The following POFUT3 variants were observed in gnomAD, a reference collection of about 807,000 sequenced individuals.
The protein encoded by POFUT3 is GDP-fucose protein O-fucosyltransferase 3.
At chr8:33,430,100 C>T in the POFUT3 span, among the ~76,000 whole-genome samples, 8 of 152,216 alleles carry the variant, frequency 5.3e-5, no homozygotes, top group Non-Finnish European at 2.9e-5. Flanking sequence ...CATTACCAAC[C>T]CCCATTTTAC....
the POFUT3 span, among the ~76,000 whole-genome samples, chr8:33,369,890 A>T: frequency 1.3e-5 from 2 of 152,190 alleles, no homozygotes; most frequent in Non-Finnish European, 2.9e-5. Flanking sequence ...GCCATTCAGC[A>T]TTCAGGTTCC....
chr8:33,398,655 A>C, the POFUT3 span, among the ~76,000 whole-genome samples: 1 of 152,318 alleles, frequency 6.6e-6, no homozygotes, highest in East Asian at 1.9e-4. Context: ...TCTGTACAAC[A>C]ACCCCCTGTG....
the POFUT3 span, among the ~76,000 whole-genome samples, chr8:33,424,273 G>C: frequency 6.6e-6 from 1 of 152,100 alleles, no homozygotes; most frequent in Non-Finnish European, 1.5e-5. Context: ...TTTCAAATAA[G>C]GAAAATACTG....
At chr8:33,380,025 ATACT>A in the POFUT3 span, among the ~76,000 whole-genome samples, 1 of 84,624 alleles carries the variant, frequency 1.2e-5, no homozygotes, top group African/African-American at 5.9e-5. Context: ...GTATATATAT[ATACT>A]ATATATATAC....
At chr8:33,324,297 T>G in the POFUT3 span, among the ~76,000 whole-genome samples, 1 of 152,166 alleles carries the variant, frequency 6.6e-6, no homozygotes, top group Admixed American at 6.5e-5. Flanking sequence ...TGGATAATGG[T>G]GAGCAAATAG....
the POFUT3 span, chr8:33,455,887 A>G: frequency 1.1e-4 from 44 of 411,862 alleles, no homozygotes; most frequent in African/African-American, 8.6e-4. Context: ...TCTCAACGGT[A>G]TCCAAGGCCA....
At chr8:33,455,903 G>GA in the POFUT3 span, 33,719 of 369,286 alleles carry the variant, frequency 0.091, 767 homozygotes, top group African/African-American at 0.17. Context: ...GGCCAAAAAA[G>GA]AAAAAAAAAA....
the POFUT3 span, among the ~76,000 whole-genome samples, chr8:33,330,214 G>A: frequency 2.6e-5 from 4 of 152,174 alleles, no homozygotes; most frequent in African/African-American, 9.7e-5. Context: ...GGGAGGCTGA[G>A]GCGGGCAGAT....
At chr8:33,389,118 A>G in the POFUT3 span, 1 of 1,614,050 alleles carries the variant, frequency 6.2e-7, no homozygotes, top group African/African-American at 1.3e-5. Flanking sequence ...TTCAGCTTCC[A>G]TTCTACATAG....
the POFUT3 span, among the ~76,000 whole-genome samples, chr8:33,454,325 CT>C: frequency 6.6e-6 from 1 of 152,172 alleles, no homozygotes; most frequent in African/African-American, 2.4e-5. Context: ...CTCCTTCCTC[CT>C]CTTCAAAGCC....
chr8:33,373,143 A>G, the POFUT3 span, among the ~76,000 whole-genome samples: 2 of 151,852 alleles, frequency 1.3e-5, no homozygotes, highest in Non-Finnish European at 2.9e-5. Flanking sequence ...TCCCCCTATT[A>G]TCCCACCCCT....
At chr8:33,430,503 GGACCACCC>G in the POFUT3 span, among the ~76,000 whole-genome samples, 1 of 152,098 alleles carries the variant, frequency 6.6e-6, no homozygotes, top group Non-Finnish European at 1.5e-5. Flanking sequence ...AAGGGAATAT[GGACCACCC>G]AAGCCAATCA....
chr8:33,347,830 G>A, the POFUT3 span, among the ~76,000 whole-genome samples: 1 of 152,110 alleles, frequency 6.6e-6, no homozygotes, highest in South Asian at 2.1e-4. Context: ...CTGATGCCAG[G>A]TGCATACCAG....
At chr8:33,470,616 C>T in the POFUT3 span, among the ~76,000 whole-genome samples, 1 of 152,076 alleles carries the variant, frequency 6.6e-6, no homozygotes, top group African/African-American at 2.4e-5. Flanking sequence ...GGCAATTTCC[C>T]ACCCTACAAG....
chr8:33,309,351 T>TTGTGTGTGTA, the POFUT3 span, among the ~76,000 whole-genome samples: 1 of 142,506 alleles, frequency 7.0e-6, no homozygotes, highest in Non-Finnish European at 1.5e-5. Flanking sequence ...CTTAAAGGTA[T>TTGTGTGTGTA]TGTGTGTGTG....
At chr8:33,386,469 T>C in the POFUT3 span, among the ~76,000 whole-genome samples, 1 of 152,114 alleles carries the variant, frequency 6.6e-6, no homozygotes, top group Non-Finnish European at 1.5e-5. Flanking sequence ...CACATTCAGT[T>C]AGCTGTTTCT....
the POFUT3 span, among the ~76,000 whole-genome samples, chr8:33,382,129 C>T: frequency 2.6e-5 from 4 of 151,942 alleles, no homozygotes; most frequent in Non-Finnish European, 4.4e-5. Flanking sequence ...TCCATCTGTA[C>T]AAAAATTACA....
chr8:33,359,567 G>A, the POFUT3 span, among the ~76,000 whole-genome samples: 1 of 152,118 alleles, frequency 6.6e-6, no homozygotes, highest in African/African-American at 2.4e-5. Flanking sequence ...GGCTTTGGAT[G>A]TACTCTACCA....
chr8:33,453,602 T>G, the POFUT3 span: 1 of 1,073,646 alleles, frequency 9.3e-7, no homozygotes. Context: ...CCCTGACTCG[T>G]TTTCAATTGC....
Sources: gnomAD v4.1 joint callset for allele counts (sites outside exome capture counted in the v4.1 genomes callset) on GRCh38, gnomAD v4.1.1 for gene constraint, MANE v1.5 for transcripts, NCBI Gene and HGNC (gene_info 2026-07-23, HGNC 2026-07-21) for gene names.